The following SYT1 variants were observed in gnomAD, a reference collection of about 807,000 sequenced individuals.
SYT1 encodes synaptotagmin-1.
SYT1 carries 8 observed loss-of-function variants against 44.8 expected under a neutral mutation model. The observed-to-expected ratio is 0.18, with a 90% CI of 0.10 to 0.32. SYT1 has a LOEUF of 0.32. SYT1 is among the 10% of genes least tolerant of loss of function. SYT1 has a pLI of 1.00. For missense variants in SYT1, 286 were observed against 509.3 expected (o/e 0.56, Z 4.22); for synonymous variants, 154 against 188.8 (o/e 0.82, Z 1.51).
chr12:79,394,965 A>C (rs1243196734), intron 9 of SYT1, among the ~76,000 whole-genome samples: 1 of 152,228 alleles, frequency 6.6e-6, no homozygotes, highest in East Asian at 1.9e-4. Context: ...CAAAGTTTGA[A>C]AACTATTTTC....
chr12:79,003,067 G>A (rs1423824931), intron 2 of SYT1, among the ~76,000 whole-genome samples: 2 of 151,962 alleles, frequency 1.3e-5, no homozygotes, highest in Admixed American at 6.6e-5. Context: ...AGAATTCAAT[G>A]AGAAAGTACA....
chr12:79,096,768 G>T (rs1253647177), intron 3 of SYT1, among the ~76,000 whole-genome samples: 2 of 151,926 alleles, frequency 1.3e-5, no homozygotes, highest in South Asian at 4.1e-4. Flanking sequence ...TTGAGCAGGG[G>T]CATGACATCT....
chr12:79,060,620 A>G (rs146757056), intron 3 of SYT1, among the ~76,000 whole-genome samples: 1 of 152,208 alleles, frequency 6.6e-6, no homozygotes, highest in African/African-American at 2.4e-5. Flanking sequence ...GTCAAGGTTT[A>G]TCCTTATTGT....
intron 2 of SYT1, among the ~76,000 whole-genome samples, chr12:79,034,527 C>T (rs1449710579): frequency 3.3e-5 from 5 of 151,728 alleles, no homozygotes; most frequent in Non-Finnish European, 7.4e-5. Flanking sequence ...TACTTATTAA[C>T]TCCAAAGAAG....
intron 4 of SYT1, among the ~76,000 whole-genome samples, chr12:79,276,749 A>T (rs898702117): frequency 6.6e-6 from 1 of 151,908 alleles, no homozygotes; most frequent in South Asian, 2.1e-4. Flanking sequence ...GCAGTTGAAA[A>T]TTTTAACAGT....
In SYT1 at chr12:79,105,796, C is replaced by A. The variant is rs1379706793; in HGVS notation, c.-18+58434C>A. On this transcript the variant is annotated intron_variant, in intron 3 of 10. Coordinates refer to ENST00000261205, the MANE Select transcript of SYT1 (RefSeq NM_005639.3). ...TCGGGAGGCTGAGGCAGGAGAATGG[C>A]ATGAACCCGGGAGGCGGAGCTTGCA... Among the ~76,000 whole-genome samples, 3 of 151,802 alleles carry A rather than the reference C, an allele frequency of 2.0e-5. No individual in the cohort carries two copies. The East Asian group carries it at 5.8e-4, about 29-fold the overall frequency.
intron 9 of SYT1, among the ~76,000 whole-genome samples, chr12:79,403,193 G>T (rs1885129401): frequency 1.3e-5 from 2 of 152,154 alleles, no homozygotes; most frequent in African/African-American, 4.8e-5. Context: ...CCAAAACCCA[G>T]ATGGGAATAA....
chr12:79,284,831 C>T (rs1048587161), intron 4 of SYT1, among the ~76,000 whole-genome samples: 6 of 134,674 alleles, frequency 4.5e-5, no homozygotes, highest in Non-Finnish European at 8.1e-5. Context: ...GAGCGAGACT[C>T]CATCTCAAAA....
intron 2 of SYT1, among the ~76,000 whole-genome samples, chr12:78,999,007 T>C (rs1456210415): frequency 6.6e-6 from 1 of 152,100 alleles, no homozygotes; most frequent in South Asian, 2.1e-4. Flanking sequence ...AAGGTCTCGT[T>C]TGTAGATAGT....
chr12:78,971,460 A>G (rs1169562299), intron 1 of SYT1, among the ~76,000 whole-genome samples: 2 of 152,170 alleles, frequency 1.3e-5, no homozygotes, highest in Non-Finnish European at 2.9e-5. Flanking sequence ...AAAAAAGAGT[A>G]GATGCATTGT....
intron 2 of SYT1, among the ~76,000 whole-genome samples, chr12:79,017,528 T>A (rs776828760): frequency 1.3e-5 from 2 of 152,006 alleles, no homozygotes; most frequent in African/African-American, 2.4e-5. Context: ...AACAAACTGA[T>A]AGATGAGGAG....
intron 5 of SYT1, among the ~76,000 whole-genome samples, chr12:79,290,494 G>A (rs959806462): frequency 4.6e-5 from 7 of 152,030 alleles, no homozygotes; most frequent in East Asian, 1.9e-4. Context: ...GAGGAACTGC[G>A]GTCTGATGAC....
chr12:79,017,310 C>T (rs1871870802), intron 2 of SYT1, among the ~76,000 whole-genome samples: 1 of 152,018 alleles, frequency 6.6e-6, no homozygotes, highest in African/African-American at 2.4e-5. Context: ...TTAAGAATAG[C>T]AAAATAATTA....
intron 3 of SYT1, among the ~76,000 whole-genome samples, chr12:79,115,481 T>C (rs1879227754): frequency 6.6e-6 from 1 of 152,214 alleles, no homozygotes; most frequent in Admixed American, 6.5e-5. Flanking sequence ...ATTTTACCCT[T>C]ATGAACTTAG....
intron 1 of SYT1, among the ~76,000 whole-genome samples, chr12:78,923,382 G>A (rs988997348): frequency 6.6e-6 from 1 of 151,758 alleles, no homozygotes; most frequent in Non-Finnish European, 1.5e-5. Flanking sequence ...ATTTATATGT[G>A]AGACACTCTC....
chr12:79,350,450 T>C (rs548066509), intron 8 of SYT1, among the ~76,000 whole-genome samples: 48 of 151,958 alleles, frequency 3.2e-4, no homozygotes, highest in Admixed American at 1.2e-3. Context: ...GACGGGGTTT[T>C]ACCGTGTTAG....
At chr12:79,437,801 C>T (rs1870176418) in intron 9 of SYT1, among the ~76,000 whole-genome samples, 1 of 152,126 alleles carries the variant, frequency 6.6e-6, no homozygotes, top group Non-Finnish European at 1.5e-5. Flanking sequence ...ATATTGGAAG[C>T]ATAGGTTGCA....
At chr12:78,873,764 A>C (rs1471613359) in intron 1 of SYT1, among the ~76,000 whole-genome samples, 5 of 151,656 alleles carry the variant, frequency 3.3e-5, no homozygotes, top group African/African-American at 1.2e-4. Flanking sequence ...TTTATCTTCT[A>C]TTCCAAGGTA....
At chr12:79,204,619 C>T (rs1873989655) in intron 3 of SYT1, among the ~76,000 whole-genome samples, 1 of 152,124 alleles carries the variant, frequency 6.6e-6, no homozygotes, top group African/African-American at 2.4e-5. Flanking sequence ...AGTTAGAGAT[C>T]ACTTCAATTA....
Sources: allele counts gnomAD v4.1 joint callset (sites outside exome capture counted in the v4.1 genomes callset), GRCh38; gene constraint gnomAD v4.1.1; transcripts MANE v1.5; gene names NCBI Gene and HGNC (gene_info 2026-07-23, HGNC 2026-07-21).